PNPLA2: variants seen among roughly 807,000 people sequenced by gnomAD.
The protein encoded by PNPLA2 is patatin like domain 2, triacylglycerol lipase.
A neutral mutation model predicts 39.7 loss-of-function variants in PNPLA2; 28 were observed. The observed-to-expected ratio is 0.70, with a 90% CI of 0.52 to 0.97. The LOEUF (loss-of-function observed/expected upper bound fraction) is 0.97, where lower values mean the gene tolerates loss of function less well. Ranked by LOEUF, PNPLA2 falls within the 50% of genes least tolerant of loss-of-function variation. PNPLA2 has a pLI of 0.00. For missense variants in PNPLA2, 768 were observed against 698.2 expected, an observed-to-expected ratio of 1.10 and a Z score of -1.13; for synonymous variants, 392 against 321.1, an observed-to-expected ratio of 1.22 and a Z score of -2.36.
At position 824,587 on chromosome 11, in the gene PNPLA2, G is replaced by T. The variant is rs905195009; in HGVS notation, c.1240G>T (p.Ala414Ser). ...SLPSVPLSCA[A>S]YREALPGWMR... ...GCCGTCCGTGCCGCTGTCCTGCGCCGCCTACAGAGAGGCACTGCCCGGCTG... is the reference window on the plus strand; with the variant it reads ...GCCGTCCGTGCCGCTGTCCTGCGCCTCCTACAGAGAGGCACTGCCCGGCTG... The change falls in exon 10 of 10, where the codon GCC (alanine) becomes TCC (serine). Residue 414 changes from alanine to serine, a missense_variant. By Grantham distance (99) the Ala-to-Ser change is moderately conservative (BLOSUM62 1). Coordinates refer to ENST00000336615, the MANE Select transcript of PNPLA2 (RefSeq NM_020376.4). 6.3e-7 allele frequency: 1 copy of T among 1,583,628 alleles called. No individual in the cohort carries two copies. The highest frequency in any genetic ancestry group is 8.5e-7 in the Non-Finnish European group (1 of 1,169,824).
intron 9 of PNPLA2, 30 bp from the exon 10 acceptor site, chr11:824,493 A>C (rs1845806067): frequency 1.3e-6 from 2 of 1,545,010 alleles, no homozygotes; most frequent in Non-Finnish European, 1.7e-6. Flanking sequence ...CGGGAGCTGA[A>C]GCCCTCCCTG....
At chr11:819,470 G>A (rs1328383227) in intron 1 of PNPLA2, 104 bp from the exon 2 acceptor site, 11 of 1,213,880 alleles carry the variant, frequency 9.1e-6, no homozygotes, top group Non-Finnish European at 1.1e-5. Context: ...CGGGTCCCGA[G>A]GGCACGGCCG....
At position 824,937 on chromosome 11, in the gene PNPLA2, G is replaced by A; in HGVS notation, c.*75G>A. The A allele has an allele frequency of 1.6e-6, 2 of 1,246,976 alleles. No individual in the cohort carries two copies. Among genetic ancestry groups the A allele is most frequent in the Non-Finnish European group, 1.1e-6 (1 of 883,514 alleles). 77.2% of individuals were successfully genotyped at this position (1,246,976 alleles called of 1,614,324 possible). ...GCGCAGTGAGATGAGGGGACTCACA[G>A]TTGCCAAGAGGGGTCTTTGCCGTGG... is the stretch of plus-strand genomic sequence containing the variant. On this transcript the variant is annotated 3_prime_UTR_variant, in exon 10 of 10. Transcript: ENST00000336615.
chr11:824,015 G>C lies in PNPLA2; in HGVS notation c.937G>C (p.Val313Leu). 1 of 1,609,130 alleles carries C rather than the reference G, an allele frequency of 6.2e-7. No individual in the cohort carries two copies. The highest frequency in any genetic ancestry group is 1.1e-5 in the South Asian group (1 of 90,626). Residue 313 changes from valine (V) to leucine (L), a missense_variant, in exon 8 of 10, where the codon GTG (valine) becomes CTG (leucine). Physicochemically the swap from Val to Leu is conservative, Grantham distance 32 (BLOSUM62 1). Transcript: ENST00000336615. The part of the protein sequence containing the change: ...RLNEALLEAC[V>L]EPTDLLTTLS... ...ACCCGCAGCCCTGCTGGAGGCCTGC[G>C]TGGAGCCCACGGACCTGCTGACCAC...
rs1252175918 is a variant in PNPLA2 at position 822,473 on chromosome 11, C to T, written c.563C>T (p.Ser188Leu). The change falls in exon 5 of 10, where the codon TCG becomes TTG. Residue 188 changes from serine to leucine, a missense_variant. Coordinates refer to ENST00000336615, the MANE Select transcript of PNPLA2 (RefSeq NM_020376.4). ...LKNTITVSPF[S>L]GESDICPQDS... ...AACACCATCACAGTGTCCCCCTTCT[C>T]GGGCGAGAGTGACATCTGTCCGCAG... 9 of 1,613,982 alleles carry T rather than the reference C, an allele frequency of 5.6e-6. No individual in the cohort carries two copies. Among genetic ancestry groups the T allele is most frequent in the African/African-American group, 2.7e-5 (2 of 74,944 alleles).
In PNPLA2 at chr11:822,024, G is replaced by T. The variant is rs1274182614; in HGVS notation, c.486+1G>T. ...CATCCCTCCCTCCCTCCAGGGGGTGGTGAGTATTCCTAGCCCTGGACACCT... is the reference window on the plus strand; with the variant it reads ...CATCCCTCCCTCCCTCCAGGGGGTGTTGAGTATTCCTAGCCCTGGACACCT... On this transcript the variant is annotated splice_donor_variant, in intron 4 of 9. Transcript: ENST00000336615. LOFTEE classifies it high-confidence loss of function. 6.2e-7 allele frequency: 1 copy of T among 1,613,572 alleles called. No individual in the cohort carries two copies. The highest frequency in any genetic ancestry group is 2.2e-5 in the East Asian group (1 of 44,882).
chr11:823,476 A>C (rs1385633762), intron 5 of PNPLA2, 51 bp from the exon 6 acceptor site: 1 of 1,534,262 alleles, frequency 6.5e-7, no homozygotes. Context: ...TTCCAGGGGC[A>C]GAACGGGCAT....
chr11:819,382 G>A, intron 1 of PNPLA2, 192 bp from the exon 2 acceptor site: 1 of 977,084 alleles, frequency 1.0e-6, no homozygotes, highest in Non-Finnish European at 1.2e-6. Context: ...CAGCAGGGGC[G>A]GAGGGAGGGC....
chr11:824,994 C>T lies in PNPLA2; in HGVS notation c.*132C>T. 1 of 630,112 alleles carries T rather than the reference C, an allele frequency of 1.6e-6. No homozygotes were observed. Among genetic ancestry groups the T allele is most frequent in the Non-Finnish European group, 2.7e-6 (1 of 363,934 alleles). 39.0% of individuals were successfully genotyped at this position (630,112 alleles called of 1,614,324 possible). On this transcript the variant is annotated 3_prime_UTR_variant, in exon 10 of 10. Coordinates refer to ENST00000336615, the MANE Select transcript of PNPLA2 (RefSeq NM_020376.4). ...TCGCCAGCCACTCACCAGCTGCATG[C>T]ACTGAGAGGGGAGGTTTCCACACCC... is the stretch of plus-strand genomic sequence containing the variant.
Position 824,960 on chromosome 11 carries a change from T to C in PNPLA2, c.*98T>C, listed in dbSNP as rs1460882856. On this transcript the variant is annotated 3_prime_UTR_variant, in exon 10 of 10. Transcript: ENST00000336615. ...CAGTTGCCAAGAGGGGTCTTTGCCGTGGGCCCCCTCGCCAGCCACTCACCA... is the reference window on the plus strand; with the variant it reads ...CAGTTGCCAAGAGGGGTCTTTGCCGCGGGCCCCCTCGCCAGCCACTCACCA... The C allele has an allele frequency of 4.8e-6, 5 of 1,041,634 alleles. No individual in the cohort carries two copies. Among genetic ancestry groups the C allele is most frequent in the Non-Finnish European group, 7.1e-6 (5 of 704,264 alleles). 64.5% of individuals were successfully genotyped at this position (1,041,634 alleles called of 1,614,324 possible). A position where few individuals can be genotyped will look rare whatever the true frequency, so the allele number is the denominator to read the frequency against.
chr11:821,499 C>T, intron 2 of PNPLA2, 129 bp from the exon 3 acceptor site: 1 of 737,584 alleles, frequency 1.4e-6, no homozygotes, highest in Non-Finnish European at 2.4e-6. Context: ...AACTGTGAGC[C>T]AGGCCCCACA....
intron 4 of PNPLA2, 117 bp downstream of exon 4, chr11:822,140 C>G: frequency 1.0e-6 from 1 of 957,680 alleles, no homozygotes. Context: ...CTGTTACCCA[C>G]TTCCCCTGTG....
At position 823,570 on chromosome 11, in the gene PNPLA2, G is replaced by A; in HGVS notation, c.740G>A (p.Arg247His). The A allele has an allele frequency of 6.2e-7, 1 of 1,611,050 alleles. No individual in the cohort carries two copies. The highest frequency in any genetic ancestry group is 8.5e-7 in the Non-Finnish European group (1 of 1,179,132). ...MCKQGYRDGL[R>H]FLQRNGLLNR... ...AAGCAGGGATACCGGGATGGCCTGC[G>A]CTTTCTGCAGCGGAACGGTGCGCGG... is the stretch of plus-strand genomic sequence containing the variant. The change falls in exon 6 of 10, where the codon CGC becomes CAC. Residue 247 changes from arginine (R) to histidine (H), a missense_variant. By Grantham distance (29) the Arg-to-His change is conservative. Transcript: ENST00000336615.
chr11:819,417 G>A (rs1845592563), intron 1 of PNPLA2, 157 bp from the exon 2 acceptor site: 2 of 975,062 alleles, frequency 2.1e-6, no homozygotes, highest in South Asian at 4.7e-5. Context: ...GGCGGCAGCG[G>A]AGGGCGGGGC....
At chr11:820,025 C>T (rs1192830768) in intron 2 of PNPLA2, 120 bp downstream of exon 2, 7 of 700,026 alleles carry the variant, frequency 1.0e-5, no homozygotes, top group Non-Finnish European at 1.4e-5. Context: ...GGGAGGGTTC[C>T]GGTCCGCGCC....
At position 824,573 on chromosome 11, in the gene PNPLA2, C is replaced by G. The variant is rs549863849; in HGVS notation, c.1226C>G (p.Pro409Arg). 5 of 1,575,060 alleles carry G rather than the reference C, an allele frequency of 3.2e-6. No individual in the cohort carries two copies. The highest frequency in any genetic ancestry group is 4.3e-6 in the Non-Finnish European group (5 of 1,165,254). The change falls in exon 10 of 10, where the codon CCG becomes CGG. Residue 409 changes from proline (P) to arginine (R), a missense_variant. By Grantham distance (103) the Pro-to-Arg change is moderately radical. Coordinates refer to ENST00000336615, the MANE Select transcript of PNPLA2 (RefSeq NM_020376.4). ...CGCGTCCAGTCGCTGCCGTCCGTGC[C>G]GCTGTCCTGCGCCGCCTACAGAGAG... ...LRRVQSLPSV[P>R]LSCAAYREAL...
chr11:819,431 A>C, intron 1 of PNPLA2, 143 bp from the exon 2 acceptor site: 1 of 1,146,640 alleles, frequency 8.7e-7, no homozygotes, highest in Non-Finnish European at 1.1e-6. Flanking sequence ...GCGGGGCTCC[A>C]GCGCGGGGGG....
rs75249344 is a variant in PNPLA2, at chr11:825,186, G to A, written c.*324G>A. On this transcript the variant is annotated 3_prime_UTR_variant, in exon 10 of 10. Coordinates refer to ENST00000336615, the MANE Select transcript of PNPLA2 (RefSeq NM_020376.4). ...TGTGTGTGAAGAATTATTTATTTTCGCCAAAGCACATGTAATAAATGCTGC... is the reference window on the plus strand; with the variant it reads ...TGTGTGTGAAGAATTATTTATTTTCACCAAAGCACATGTAATAAATGCTGC... The A allele has an allele frequency of 8.5e-6, 4 of 472,176 alleles. No individual in the cohort carries two copies. Among genetic ancestry groups the A allele is most frequent in the Admixed American group, 7.9e-5 (2 of 25,416 alleles). The allele number at this position is 472,176 out of a possible 1,614,324, so 29.2% of individuals were successfully genotyped here.
In PNPLA2 at chr11:824,385, A is replaced by T; in HGVS notation, c.1124A>T (p.Gln375Leu). ...AAGGAGCAGACGGGCAGCATCTGCC[A>T]GTACCTGGTGATGCGCGCCAAGAGG... The part of the protein sequence containing the change: ...WMKEQTGSIC[Q>L]YLVMRAKRKL... The change falls in exon 9 of 10, where the codon CAG becomes CTG. Residue 375 changes from glutamine (Q) to leucine (L), a missense_variant. Physicochemically the swap from Gln to Leu is moderately radical, Grantham distance 113. Transcript: ENST00000336615. 6.4e-7 allele frequency: 1 copy of T among 1,552,856 alleles called. No individual in the cohort carries two copies.
Sources: allele counts gnomAD v4.1 joint callset, GRCh38; gene constraint gnomAD v4.1.1; transcripts MANE v1.5; gene names NCBI Gene and HGNC (gene_info 2026-07-23, HGNC 2026-07-21).